IL23R: variants seen among roughly 807,000 people sequenced by gnomAD.
IL23R encodes the protein interleukin-23 receptor.
In IL23R, 34 loss-of-function variants were observed where a neutral mutation model predicts 56.9. The observed-to-expected ratio is 0.60, with a 90% CI of 0.45 to 0.80. The LOEUF is 0.80. IL23R is among the 30% of genes least tolerant of loss of function. The pLI, the probability that IL23R is intolerant of heterozygous loss-of-function variation, is 0.00. For missense variants in IL23R, 635 were observed against 730.0 expected (o/e 0.87, Z 1.50); for synonymous variants, 230 against 249.2 (o/e 0.92, Z 0.73).
chr1:67,162,996 C>T (rs539824359), upstream of IL23R, among the ~76,000 whole-genome samples: 9 of 152,214 alleles, frequency 5.9e-5, no homozygotes, highest in South Asian at 8.3e-4. Context: ...CACTTACTGG[C>T]GTTGTAAAGT....
chr1:67,210,755 G>A (rs1649411433), intron 6 of IL23R, among the ~76,000 whole-genome samples: 3 of 152,100 alleles, frequency 2.0e-5, no homozygotes, highest in South Asian at 2.1e-4. Flanking sequence ...TTACAAGCAT[G>A]AGCCACAGCA....
Position 67,218,271 on chromosome 1 carries a change from CAT to C in IL23R, c.799-1289_799-1288del, listed in dbSNP as rs1011598645. 1.4e-3 allele frequency among the ~76,000 whole-genome samples: 71 copies of C among 52,192 alleles called. No individual in the cohort carries two copies. In the East Asian group the frequency reaches 0.085, roughly 63 times the overall value. The allele number at this position is 52,192 out of a possible 152,430, so 34.2% of individuals were successfully genotyped here. A position where few individuals can be genotyped will look rare whatever the true frequency, so the allele number is the denominator to read the frequency against. On this transcript the variant is annotated intron_variant, in intron 6 of 10. Coordinates refer to ENST00000347310, the MANE Select transcript of IL23R (RefSeq NM_144701.3). Reference sequence around the variant, plus strand: ...TTTTAATTTTTCTCTGACACATACACATATATATATATATACATACATATACA... The same window carrying C: ...TTTTAATTTTTCTCTGACACATACACATATATATATATACATACATATACA...
chr1:67,174,603 C>T (rs1646984831), intron 3 of IL23R, among the ~76,000 whole-genome samples: 1 of 151,774 alleles, frequency 6.6e-6, no homozygotes, highest in Non-Finnish European at 1.5e-5. Flanking sequence ...GTATTTCACA[C>T]GTAGGGATGA....
upstream of IL23R, among the ~76,000 whole-genome samples, chr1:67,163,468 C>CAAAAAAA (rs57495148): frequency 4.6e-4 from 23 of 49,606 alleles, no homozygotes; most frequent in African/African-American, 1.1e-3. Context: ...GACCCTGTCT[C>CAAAAAAA]AAAAAAAAAA....
chr1:67,166,943 G>C (rs78761999), intron 1 of IL23R, among the ~76,000 whole-genome samples: 1,578 of 152,276 alleles, frequency 0.01, 34 homozygotes, highest in African/African-American at 0.036. Context: ...TTATTAAACA[G>C]ATAAAATAAC....
At chr1:67,227,956 T>TC (rs1491040246) in intron 7 of IL23R, among the ~76,000 whole-genome samples, 1 of 7,156 alleles carries the variant, frequency 1.4e-4, no homozygotes, top group Non-Finnish European at 4.4e-4. Context: ...CTTTCTTTCT[T>TC]TCTTTCTTTC....
chr1:67,152,056 AT>A (rs1260724367), intron 1 of IL23R, among the ~76,000 whole-genome samples: 2 of 152,170 alleles, frequency 1.3e-5, no homozygotes, highest in East Asian at 3.8e-4. Flanking sequence ...TTTGGGCACT[AT>A]GGTTATTTTC....
intron 6 of IL23R, among the ~76,000 whole-genome samples, chr1:67,219,293 G>A (rs1650085064): frequency 1.3e-5 from 2 of 151,930 alleles, no homozygotes; most frequent in South Asian, 2.1e-4. Context: ...GCTTGAACCC[G>A]GGAGGCGGAG....
At chr1:67,261,298 T>G (rs1354150368), downstream of IL23R, among the ~76,000 whole-genome samples, 1 of 151,144 alleles carries the variant, frequency 6.6e-6, no homozygotes, top group Non-Finnish European at 1.5e-5. Flanking sequence ...AGCATGTAAG[T>G]AATTCATCAG....
intron 10 of IL23R, among the ~76,000 whole-genome samples, chr1:67,256,400 C>A (rs11465822): frequency 0.046 from 6,936 of 152,180 alleles, 540 homozygotes; most frequent in African/African-American, 0.16. Context: ...GAACTGTGAA[C>A]AATAGTGTCA....
intron 9 of IL23R, among the ~76,000 whole-genome samples, chr1:67,248,245 T>C (rs2100358437): frequency 6.6e-6 from 1 of 152,342 alleles, no homozygotes; most frequent in Admixed American, 6.5e-5. Context: ...CACTTTTAGG[T>C]ACACCGTTCA....
intron 4 of IL23R, among the ~76,000 whole-genome samples, chr1:67,197,976 T>C (rs1016926430): frequency 2.0e-5 from 3 of 151,080 alleles, no homozygotes; most frequent in Non-Finnish European, 3.0e-5. Flanking sequence ...AAGAAATACC[T>C]GAGGCTCGGT....
chr1:67,254,663 T>C (rs1259431907), intron 9 of IL23R, among the ~76,000 whole-genome samples: 1 of 152,198 alleles, frequency 6.6e-6, no homozygotes, highest in African/African-American at 2.4e-5. Flanking sequence ...TGTTATTTAG[T>C]ACAGGTCCTT....
chr1:67,201,522 T>C (rs1485217825), intron 5 of IL23R, among the ~76,000 whole-genome samples: 1 of 148,680 alleles, frequency 6.7e-6, no homozygotes, highest in Non-Finnish European at 1.5e-5. Flanking sequence ...GTGCCTGCCC[T>C]GAAATAACTT....
At chr1:67,228,110 CT>C (rs1650833810) in intron 7 of IL23R, among the ~76,000 whole-genome samples, 1 of 40,946 alleles carries the variant, frequency 2.4e-5, no homozygotes, top group African/African-American at 1.0e-4. Flanking sequence ...TTCTTTCTCT[CT>C]CTTTCTTTCT....
At chr1:67,227,406 G>T (rs983092068) in intron 7 of IL23R, among the ~76,000 whole-genome samples, 4 of 147,878 alleles carry the variant, frequency 2.7e-5, no homozygotes, top group African/African-American at 5.0e-5. Context: ...CCATAGAAAA[G>T]TTTCCCAGAG....
At chr1:67,265,737 G>A in the IL23R span, among the ~76,000 whole-genome samples, 2 of 152,248 alleles carry the variant, frequency 1.3e-5, no homozygotes, top group South Asian at 2.1e-4. Context: ...CAGAAAGGAA[G>A]ATAAAATCAT....
At chr1:67,210,825 G>A (rs1649418428) in intron 6 of IL23R, among the ~76,000 whole-genome samples, 1 of 152,034 alleles carries the variant, frequency 6.6e-6, no homozygotes, top group Non-Finnish European at 1.5e-5. Context: ...CCAGTTTTCA[G>A]CGCGTTAAAT....
At chr1:67,154,629 T>C (rs1646756077) in intron 1 of IL23R, among the ~76,000 whole-genome samples, 1 of 152,164 alleles carries the variant, frequency 6.6e-6, no homozygotes, top group African/African-American at 2.4e-5. Flanking sequence ...ATTTTTTTGC[T>C]TTCCGTTTGC....
Sources: allele counts gnomAD v4.1 joint callset (sites outside exome capture counted in the v4.1 genomes callset), GRCh38; gene constraint gnomAD v4.1.1; transcripts MANE v1.5; gene names NCBI Gene and HGNC (gene_info 2026-07-23, HGNC 2026-07-21).